The following SH3D19 variants were observed in gnomAD, a reference collection of about 807,000 sequenced individuals.
SH3D19 encodes SH3 domain containing 19.
In SH3D19, 58 loss-of-function variants were observed where a neutral mutation model predicts 112.1. That is an observed-to-expected ratio of 0.52 (90% CI 0.42 to 0.64). The LOEUF is 0.64. SH3D19 is among the 30% of genes least tolerant of loss of function. The probability of loss-of-function intolerance (pLI) is 0.00; values close to 1 mark genes in which losing one functional copy is unlikely to be tolerated. For synonymous variants in SH3D19, 391 were observed against 448.5 expected (o/e 0.87, Z 1.62); for missense variants, 1,090 against 1,263.4 (o/e 0.86, Z 2.08).
intron 2 of SH3D19, among the ~76,000 whole-genome samples, chr4:151,224,575 C>T (rs1334245233): frequency 6.6e-6 from 1 of 152,176 alleles, no homozygotes; most frequent in East Asian, 1.9e-4. Context: ...TCATATTGCT[C>T]AGTTCAGTCC....
chr4:151,288,544 C>T (rs1390504200), intron 1 of SH3D19, among the ~76,000 whole-genome samples: 2 of 151,948 alleles, frequency 1.3e-5, no homozygotes, highest in Non-Finnish European at 2.9e-5. Flanking sequence ...TTCAGGAGTT[C>T]GAGACCAGCC....
intron 1 of SH3D19, among the ~76,000 whole-genome samples, chr4:151,277,935 A>G (rs754151300): frequency 6.6e-6 from 1 of 152,012 alleles, no homozygotes; most frequent in South Asian, 2.1e-4. Context: ...CAGCTACTCA[A>G]TAGACTGAGG....
intron 1 of SH3D19, among the ~76,000 whole-genome samples, chr4:151,323,290 G>C (rs1452025441): frequency 6.6e-6 from 1 of 152,044 alleles, no homozygotes; most frequent in African/African-American, 2.4e-5. Context: ...AGGGAAGGAG[G>C]GAGCACTGAG....
intron 2 of SH3D19, among the ~76,000 whole-genome samples, chr4:151,197,499 C>A (rs1763649323): frequency 6.6e-6 from 1 of 152,200 alleles, no homozygotes; most frequent in Admixed American, 6.5e-5. Context: ...GGGTTAGCAA[C>A]AAATGTTACA....
rs141690820 is a variant in SH3D19, at chr4:151,237,785, T to C, written c.113-11699A>G. Reference sequence around the variant, plus strand: ...CAAGTTCATAATATTGTGGGCAGAATTACCTAAAGGGTAATTATCCTTTGT... The same window carrying C: ...CAAGTTCATAATATTGTGGGCAGAACTACCTAAAGGGTAATTATCCTTTGT... On this transcript the variant is annotated intron_variant, in intron 1 of 19. Coordinates refer to ENST00000604030, the MANE Select transcript of SH3D19 (RefSeq NM_001378122.1). Among the ~76,000 whole-genome samples the C allele has an allele frequency of 7.2e-3, 1,095 of 152,270 alleles. 7 individuals carry two copies. The highest frequency in any genetic ancestry group is 0.024 in the African/African-American group (1,014 of 41,562).
intron 14 of SH3D19, among the ~76,000 whole-genome samples, chr4:151,137,311 G>A (rs1489907008): frequency 6.6e-6 from 1 of 152,088 alleles, no homozygotes; most frequent in Non-Finnish European, 1.5e-5. Context: ...GAATGGAAAA[G>A]ATGAAAGAAA....
intron 1 of SH3D19, among the ~76,000 whole-genome samples, chr4:151,286,468 T>C (rs568149196): frequency 6.6e-6 from 1 of 151,454 alleles, no homozygotes; most frequent in East Asian, 1.9e-4. Context: ...TGAATAACAG[T>C]ATGCCAAAAA....
chr4:151,130,642 G>T (rs1255595745), intron 17 of SH3D19, among the ~76,000 whole-genome samples: 1 of 151,982 alleles, frequency 6.6e-6, no homozygotes, highest in African/African-American at 2.4e-5. Flanking sequence ...GTTGAGAAAC[G>T]TATAAAGAAA....
At chr4:151,282,178 G>T (rs754772564) in intron 1 of SH3D19, 3 of 1,613,882 alleles carry the variant, frequency 1.9e-6, no homozygotes, top group South Asian at 2.2e-5. Context: ...ATACTGTGTG[G>T]CTAGGATCGA....
chr4:151,154,119 A>G (rs982624790), intron 9 of SH3D19, among the ~76,000 whole-genome samples: 1 of 135,550 alleles, frequency 7.4e-6, no homozygotes, highest in African/African-American at 2.8e-5. Context: ...ATGACACCAC[A>G]CCCGGCTGAT....
chr4:151,161,644 T>TTTTA (rs58967463), intron 8 of SH3D19, among the ~76,000 whole-genome samples: 77 of 148,552 alleles, frequency 5.2e-4, no homozygotes, highest in African/African-American at 1.1e-3. Context: ...ATATATATTT[T>TTTTA]AATTATACTT....
intron 19 of SH3D19, among the ~76,000 whole-genome samples, chr4:151,126,222 G>A (rs1385665064): frequency 2.6e-5 from 4 of 152,050 alleles, no homozygotes; most frequent in African/African-American, 4.8e-5. Context: ...ACTGTTGCTC[G>A]GCCTTTTTCT....
intron 1 of SH3D19, among the ~76,000 whole-genome samples, chr4:151,274,012 T>C (rs561361954): frequency 6.6e-6 from 1 of 152,132 alleles, no homozygotes; most frequent in East Asian, 1.9e-4. Flanking sequence ...AATGATAAAA[T>C]CAGTGAGTAG....
Position 151,121,314 on chromosome 4 carries a change from G to A in SH3D19, c.*777C>T, listed in dbSNP as rs1438771102. 1 of 152,636 alleles carries A rather than the reference G, an allele frequency of 6.6e-6. No individual in the cohort carries two copies. Among genetic ancestry groups the A allele is most frequent in the Non-Finnish European group, 1.5e-5 (1 of 68,050 alleles). The allele number at this position is 152,636 out of a possible 1,614,324, so 9.5% of individuals were successfully genotyped here. On this transcript the variant is annotated 3_prime_UTR_variant, in exon 20 of 20. Coordinates refer to ENST00000604030, the MANE Select transcript of SH3D19 (RefSeq NM_001378122.1). ...AGGAATGATTGCAGATTCAGAAAAT[G>A]TGCTTTGTAATAACCCTGTTAACAT...
chr4:151,243,536 A>C lies in SH3D19; in HGVS notation c.113-17450T>G, dbSNP rs72723795. 9.6e-3 allele frequency among the ~76,000 whole-genome samples: 1,462 copies of C among 152,316 alleles called. 11 individuals are homozygous for C. Among genetic ancestry groups the C allele is most frequent in the Non-Finnish European group, 0.016 (1,097 of 68,038 alleles). ...AATATGGAAGTTCTTAGCTGTTTTA[A>C]GTGTTTATATTATGTTGCCTAGTGG... On this transcript the variant is annotated intron_variant, in intron 1 of 19. Coordinates refer to ENST00000604030, the MANE Select transcript of SH3D19 (RefSeq NM_001378122.1).
At chr4:151,191,329 A>G (rs914979791) in intron 2 of SH3D19, among the ~76,000 whole-genome samples, 1 of 152,178 alleles carries the variant, frequency 6.6e-6, no homozygotes, top group Non-Finnish European at 1.5e-5. Context: ...GACTCTTACG[A>G]AGGCATGATT....
In SH3D19 at chr4:151,149,513, T is replaced by G. The variant is rs1457006811; in HGVS notation, c.1804A>C (p.Arg602=). ...ACATTTACTTACCTCGGTGGCAACC[T>G]TGGGGGTACTCGCACAAAACCTCCT... ...QTGGFVRVPP[R]LPPRPVNGKT... The change falls in exon 10 of 20, where the codon AGG becomes CGG. Residue 602 remains arginine (R), a synonymous_variant. Transcript: ENST00000604030. 6.2e-7 allele frequency: 1 copy of G among 1,611,132 alleles called. No homozygotes were observed. Among genetic ancestry groups the G allele is most frequent in the Admixed American group, 1.7e-5 (1 of 59,626 alleles).
intron 2 of SH3D19, among the ~76,000 whole-genome samples, chr4:151,215,875 G>A (rs1269861010): frequency 6.6e-6 from 1 of 151,946 alleles, no homozygotes; most frequent in Non-Finnish European, 1.5e-5. Context: ...GCCCAGGCTG[G>A]AGTGCAGTGG....
Position 151,175,159 on chromosome 4 carries a change from C to A in SH3D19, c.1045G>T (p.Asp349Tyr). 2 of 1,614,146 alleles carry A rather than the reference C, an allele frequency of 1.2e-6. No homozygotes were observed. Among genetic ancestry groups the A allele is most frequent in the Non-Finnish European group, 1.7e-6 (2 of 1,180,030 alleles). Residue 349 changes from aspartate to tyrosine, a missense_variant, in exon 7 of 20, where the codon GAC becomes TAC. By Grantham distance (160) the Asp-to-Tyr change is radical (BLOSUM62 -3). Coordinates refer to ENST00000604030, the MANE Select transcript of SH3D19 (RefSeq NM_001378122.1). ...TTGAGTCTGTTCTCAGTCCCAGAGT[C>A]CCACTCTCCAGAAGCTCTGTTAGCA... ...PAANRASGEW[D>Y]SGTENRLKVT...
Sources: gnomAD v4.1 joint callset for allele counts (sites outside exome capture counted in the v4.1 genomes callset) on GRCh38, gnomAD v4.1.1 for gene constraint, MANE v1.5 for transcripts, NCBI Gene and HGNC (gene_info 2026-07-23, HGNC 2026-07-21) for gene names.